The following ASPH variants were observed in gnomAD, a reference collection of about 807,000 sequenced individuals.
ASPH encodes aspartyl/asparaginyl beta-hydroxylase.
Under a neutral mutation model 118.4 loss-of-function variants are expected in ASPH, and 100 were observed. The observed-to-expected ratio is 0.84, with a 90% CI of 0.72 to 1.00. The LOEUF is 1.00. ASPH is among the 50% of genes least tolerant of loss of function. The pLI is 0.00. For synonymous variants in ASPH, 315 were observed against 325.6 expected (o/e 0.97, Z 0.35); for missense variants, 920 against 919.5 (o/e 1.00, Z -0.01).
intron 3 of ASPH, among the ~76,000 whole-genome samples, chr8:61,670,269 A>C (rs1821767580): frequency 6.6e-6 from 1 of 152,006 alleles, no homozygotes; most frequent in South Asian, 2.1e-4. Flanking sequence ...AAATAAAATG[A>C]AATTAAATTT....
chr8:61,662,597 C>T (rs188251921), intron 3 of ASPH, among the ~76,000 whole-genome samples: 1 of 152,130 alleles, frequency 6.6e-6, no homozygotes, highest in African/African-American at 2.4e-5. Context: ...TTAGTTGAAG[C>T]TTAAATATTA....
In ASPH at chr8:61,644,012, T is replaced by C. The variant is rs748048042; in HGVS notation, c.653-11A>G. On this transcript the variant is annotated splice_polypyrimidine_tract_variant and intron_variant, in intron 7 of 24. Coordinates refer to ENST00000379454, the MANE Select transcript of ASPH (RefSeq NM_004318.4). The stretch of plus-strand genomic sequence containing the variant: ...TACAGTCTTGTGAAACTATAAATTA[T>C]GGAATAATTAGGAAATTACGTCTCA... 6 of 1,596,940 alleles carry C rather than the reference T, an allele frequency of 3.8e-6. No individual in the cohort carries two copies. The highest frequency in any genetic ancestry group is 1.1e-5 in the South Asian group (1 of 90,030).
chr8:61,570,497 A>G (rs1833158183), intron 16 of ASPH, among the ~76,000 whole-genome samples: 1 of 152,170 alleles, frequency 6.6e-6, no homozygotes, highest in Non-Finnish European at 1.5e-5. Flanking sequence ...TTTAAACTCA[A>G]TCTGAAAAGG....
rs1476879303 is a variant in ASPH at position 61,689,903 on chromosome 8, C to CT, written c.104-5716dup. 5.6e-6 allele frequency: 7 copies of CT among 1,253,804 alleles called. No homozygotes were observed. In the Admixed American group the frequency reaches 2.8e-4, roughly 50 times the overall value. 77.7% of individuals were successfully genotyped at this position (1,253,804 alleles called of 1,614,324 possible). A position where few individuals can be genotyped will look rare whatever the true frequency, so the allele number is the denominator to read the frequency against. On this transcript the variant is annotated intron_variant, in intron 1 of 24. Transcript: ENST00000379454. The stretch of plus-strand genomic sequence containing the variant: ...AGTTATTTTTAGAGGCTAAATGCTG[C>CT]TAATCACCACTTAGGCTGAAGTGCA...
intron 1 of ASPH, among the ~76,000 whole-genome samples, chr8:61,710,169 G>GT (rs1263754263): frequency 1.3e-5 from 2 of 152,176 alleles, no homozygotes; most frequent in African/African-American, 4.8e-5. Flanking sequence ...TGAAAAGAAA[G>GT]TAGATAATAA....
intron 13 of ASPH, among the ~76,000 whole-genome samples, chr8:61,628,995 G>C (rs971060591): frequency 1.3e-5 from 2 of 152,154 alleles, no homozygotes; most frequent in Non-Finnish European, 2.9e-5. Context: ...CTCTGGTGTT[G>C]CTAGCCTAAA....
chr8:61,653,291 T>C (rs375428956), intron 4 of ASPH, among the ~76,000 whole-genome samples: 40 of 152,318 alleles, frequency 2.6e-4, no homozygotes, highest in African/African-American at 7.9e-4. Flanking sequence ...AGTGCTGGAA[T>C]TGGAATCAAG....
chr8:61,624,789 A>C, intron 13 of ASPH: 2 of 985,808 alleles, frequency 2.0e-6, no homozygotes, highest in Non-Finnish European at 2.4e-6. Context: ...AGTTTCCCTA[A>C]AAAAATATGG....
intron 24 of ASPH, among the ~76,000 whole-genome samples, chr8:61,510,553 C>A (rs527741761): frequency 6.6e-6 from 1 of 152,168 alleles, no homozygotes; most frequent in Non-Finnish European, 1.5e-5. Context: ...ATCGGTTCAA[C>A]AAACAAATGT....
intron 21 of ASPH, among the ~76,000 whole-genome samples, chr8:61,530,266 C>T (rs1243284795): frequency 6.6e-6 from 1 of 152,170 alleles, no homozygotes; most frequent in Non-Finnish European, 1.5e-5. Flanking sequence ...AGTTGGTTGC[C>T]CGAAAGACAC....
intron 21 of ASPH, among the ~76,000 whole-genome samples, chr8:61,531,322 A>T (rs1817480968): frequency 6.6e-6 from 1 of 152,142 alleles, no homozygotes; most frequent in Non-Finnish European, 1.5e-5. Context: ...TTGCTAGATG[A>T]TGATGGCCAT....
At chr8:61,556,402 C>T (rs1403124937) in intron 18 of ASPH, among the ~76,000 whole-genome samples, 2 of 152,164 alleles carry the variant, frequency 1.3e-5, no homozygotes, top group African/African-American at 4.8e-5. Flanking sequence ...TACTTGAAGA[C>T]AATTCTGAAT....
chr8:61,593,621 C>T (rs936055224), intron 14 of ASPH, among the ~76,000 whole-genome samples: 10 of 152,110 alleles, frequency 6.6e-5, no homozygotes, highest in African/African-American at 2.2e-4. Context: ...GCAAGTATTC[C>T]AGTTTATTAC....
intron 10 of ASPH, among the ~76,000 whole-genome samples, chr8:61,638,576 T>C (rs1336194221): frequency 6.6e-6 from 1 of 152,206 alleles, no homozygotes. Flanking sequence ...CACTTTTTAC[T>C]ACCTTTTTAA....
At chr8:61,546,704 C>G (rs1335882879) in intron 21 of ASPH, among the ~76,000 whole-genome samples, 8 of 152,272 alleles carry the variant, frequency 5.3e-5, no homozygotes, top group Admixed American at 2.6e-4. Flanking sequence ...TAAACACAGT[C>G]AAGTAAGACA....
chr8:61,501,435 C>T lies in ASPH; in HGVS notation c.*1924G>A, dbSNP rs1203036538. 1 of 152,136 alleles carries T rather than the reference C, an allele frequency of 6.6e-6. No individual in the cohort carries two copies. Among genetic ancestry groups the T allele is most frequent in the Non-Finnish European group, 1.5e-5 (1 of 68,006 alleles). 9.4% of individuals were successfully genotyped at this position (152,136 alleles called of 1,614,324 possible). A position where few individuals can be genotyped will look rare whatever the true frequency, so the allele number is the denominator to read the frequency against. ...ACTAAGTTAAGAGCTAGTTTTTACT[C>T]TCTTCCATAATTTCATTACATGAAT... On this transcript the variant is annotated 3_prime_UTR_variant, in exon 25 of 25. Transcript: ENST00000379454.
Position 61,503,665 on chromosome 8 carries a change from A to G in ASPH, c.2127-156T>C, listed in dbSNP as rs182369327. On this transcript the variant is annotated intron_variant, in intron 24 of 24. Coordinates refer to ENST00000379454, the MANE Select transcript of ASPH (RefSeq NM_004318.4). Reference sequence around the variant, plus strand: ...CAAGCCCAAGTTTATTCTTCCCTTGATGATTAGGAAAGAATTTCAGAAATC... The same window carrying G: ...CAAGCCCAAGTTTATTCTTCCCTTGGTGATTAGGAAAGAATTTCAGAAATC... Among the ~76,000 whole-genome samples the G allele has an allele frequency of 1.5e-3, 236 of 152,348 alleles. 1 individual carries two copies. The highest frequency in any genetic ancestry group is 0.011 in the Admixed American group (175 of 15,302).
chr8:61,662,615 G>A lies in ASPH; in HGVS notation c.323-8955C>T, dbSNP rs569413196. Among the ~76,000 whole-genome samples, 3 of 152,224 alleles carry A rather than the reference G, an allele frequency of 2.0e-5. No individual in the cohort carries two copies. In the South Asian group the frequency reaches 6.2e-4, roughly 32 times the overall value. On this transcript the variant is annotated intron_variant, in intron 3 of 24. Transcript: ENST00000379454. ...GTTGAAGCTTAAATATTACGCAGTTGGATAAAGTGTGACTTCAACTTCAAT... is the reference window on the plus strand; with the variant it reads ...GTTGAAGCTTAAATATTACGCAGTTAGATAAAGTGTGACTTCAACTTCAAT...
intron 24 of ASPH, 72 bp downstream of exon 24, chr8:61,517,456 G>T: frequency 6.4e-7 from 1 of 1,556,110 alleles, no homozygotes; most frequent in Non-Finnish European, 8.8e-7. Context: ...TAATCCAAAG[G>T]AACACAACTG....
Sources: allele counts gnomAD v4.1 joint callset (sites outside exome capture counted in the v4.1 genomes callset), GRCh38; gene constraint gnomAD v4.1.1; transcripts MANE v1.5; gene names NCBI Gene and HGNC (gene_info 2026-07-23, HGNC 2026-07-21).